The following KIF13B variants were observed in gnomAD, a reference collection of about 807,000 sequenced individuals.
The protein encoded by KIF13B is kinesin family member 13B.
A neutral mutation model predicts 222.0 loss-of-function variants in KIF13B; 127 were observed. The ratio of observed to expected loss-of-function variants is 0.57; its 90% CI spans 0.50 to 0.66. The LOEUF is 0.66. KIF13B is among the 30% of genes least tolerant of loss of function. The pLI is 0.00. For missense variants in KIF13B, 2,173 were observed against 2,379.0 expected (o/e 0.91, Z 1.80); for synonymous variants, 976 against 919.0 (o/e 1.06, Z -1.12).
chr8:29,072,938 C>T (rs192414454), intron 38 of KIF13B, among the ~76,000 whole-genome samples: 156 of 152,076 alleles, frequency 1.0e-3, no homozygotes, highest in Middle Eastern at 3.4e-3. Context: ...CTTTTTTGTC[C>T]GGCAAAACCT....
intron 10 of KIF13B, 132 bp downstream of exon 10, chr8:29,175,936 A>G (rs1229813916): frequency 9.1e-6 from 6 of 659,864 alleles, no homozygotes; most frequent in Non-Finnish European, 1.6e-5. Flanking sequence ...CATTACCATA[A>G]GAGCCTAATA....
intron 37 of KIF13B, among the ~76,000 whole-genome samples, chr8:29,086,163 G>A (rs1808042585): frequency 6.9e-6 from 1 of 144,658 alleles, no homozygotes. Flanking sequence ...AATAAATCCA[G>A]AACCAAGTAC....
intron 2 of KIF13B, among the ~76,000 whole-genome samples, chr8:29,229,088 T>TAAA (rs370080449): frequency 0.05 from 4,682 of 94,442 alleles, 251 homozygotes; most frequent in Non-Finnish European, 0.07. Flanking sequence ...ATGTCAGCTT[T>TAAA]AAAAAAAAAA....
At chr8:29,204,471 G>A (rs1293748247) in intron 2 of KIF13B, among the ~76,000 whole-genome samples, 3 of 152,188 alleles carry the variant, frequency 2.0e-5, no homozygotes, top group Non-Finnish European at 4.4e-5. Flanking sequence ...CAGCTATTCA[G>A]GAGGCTGAGG....
intron 24 of KIF13B, 82 bp downstream of exon 24, chr8:29,130,451 G>T: frequency 1.4e-6 from 2 of 1,388,266 alleles, no homozygotes; most frequent in Non-Finnish European, 2.0e-6. Context: ...TTTCATTATT[G>T]CCAACATTTC....
rs1321888976 is a variant in KIF13B, at chr8:29,180,161, TC to T, written c.662del (p.Arg221HisfsTer17). ...GGGTGATTTTGAAAACTGCATGGGATCGGCTACTCTCCTCGTTCATGTTGGT... is the reference window on the plus strand; with the variant it reads ...GGGTGATTTTGAAAACTGCATGGGATGGCTACTCTCCTCGTTCATGTTGGT... ...AATNMNEESS[R>X]SHAVFKITLT... On this transcript the variant is annotated frameshift_variant, in exon 8 of 40. Coordinates refer to ENST00000524189, the MANE Select transcript of KIF13B (RefSeq NM_015254.4). LOFTEE classifies it high-confidence loss of function. 1 of 1,614,020 alleles carries T rather than the reference TC, an allele frequency of 6.2e-7. No homozygotes were observed. Among genetic ancestry groups the T allele is most frequent in the Non-Finnish European group, 8.5e-7 (1 of 1,179,892 alleles).
chr8:29,228,472 A>AAAAAAAAAAAAATATATATATATATAT, intron 2 of KIF13B, among the ~76,000 whole-genome samples: 5 of 117,080 alleles, frequency 4.3e-5, no homozygotes, highest in African/African-American at 1.6e-4. Flanking sequence ...ATCTTAAAAA[A>AAAAAAAAAAAAATATATATATATATAT]ATATATATAT....
intron 2 of KIF13B, among the ~76,000 whole-genome samples, chr8:29,221,419 C>T (rs572250417): frequency 2.1e-4 from 31 of 149,260 alleles, no homozygotes; most frequent in African/African-American, 7.4e-4. Context: ...GAGCTGTGAT[C>T]GTGCCACTGC....
chr8:29,117,174 C>A (rs1418889723), intron 30 of KIF13B, among the ~76,000 whole-genome samples, 167 bp from the exon 31 acceptor site: 1 of 152,222 alleles, frequency 6.6e-6, no homozygotes, highest in East Asian at 1.9e-4. Context: ...AGTGTGGCCA[C>A]AATCACCTTA....
chr8:29,116,262 G>C (rs937944900), intron 31 of KIF13B, among the ~76,000 whole-genome samples: 13 of 152,266 alleles, frequency 8.5e-5, no homozygotes, highest in Non-Finnish European at 2.9e-5. Flanking sequence ...GAGGTAAAAG[G>C]TCTGGAACGC....
At chr8:29,197,412 A>C (rs1813490687) in intron 2 of KIF13B, among the ~76,000 whole-genome samples, 1 of 151,968 alleles carries the variant, frequency 6.6e-6, no homozygotes, top group African/African-American at 2.4e-5. Flanking sequence ...ACTTAGAGAA[A>C]AGTGGTAAAA....
chr8:29,103,110 C>T (rs1359808460), intron 35 of KIF13B, among the ~76,000 whole-genome samples: 2 of 151,798 alleles, frequency 1.3e-5, no homozygotes, highest in African/African-American at 2.4e-5. Context: ...GGCACGGTGG[C>T]GGGCGCCTGT....
chr8:29,233,618 G>C (rs1420898637), intron 2 of KIF13B, among the ~76,000 whole-genome samples: 2 of 152,200 alleles, frequency 1.3e-5, no homozygotes, highest in Admixed American at 1.3e-4. Flanking sequence ...TTAAATATTA[G>C]TGAGGGCAAT....
Position 29,134,228 on chromosome 8 carries a change from C to G in KIF13B, c.2614-18G>C, listed in dbSNP as rs367574761. On this transcript the variant is annotated intron_variant, in intron 21 of 39. Transcript: ENST00000524189. ...ATTTTAACCTGAAGGAAAAAGAAGG[C>G]TCTGTGTTTTGAAATCTGAGGGTTC... The G allele has an allele frequency of 1.2e-6, 2 of 1,609,710 alleles. No homozygotes were observed. The highest frequency in any genetic ancestry group is 8.5e-7 in the Non-Finnish European group (1 of 1,178,028).
chr8:29,071,510 T>A lies in KIF13B; in HGVS notation c.5218+110A>T. The A allele has an allele frequency of 9.9e-7, 1 of 1,010,452 alleles. No individual in the cohort carries two copies. Among genetic ancestry groups the A allele is most frequent in the Non-Finnish European group, 1.5e-6 (1 of 682,472 alleles). The allele number at this position is 1,010,452 out of a possible 1,614,324, so 62.6% of individuals were successfully genotyped here. ...CCGCAGCTTCAGCCAAGCCGCTGCC[T>A]CCCGGCCCCTCCCTCTCCTGCCCGG... On this transcript the variant is annotated intron_variant, in intron 39 of 39. Coordinates refer to ENST00000524189, the MANE Select transcript of KIF13B (RefSeq NM_015254.4). This position sits in a 1 kb window ranked among gnomAD's most constrained non-coding sequence, Gnocchi z 4.9.
At chr8:29,232,422 T>TA (rs1215466046) in intron 2 of KIF13B, among the ~76,000 whole-genome samples, 4 of 142,872 alleles carry the variant, frequency 2.8e-5, no homozygotes, top group Non-Finnish European at 4.6e-5. Flanking sequence ...CAATAAAAAA[T>TA]AAAAAAAATT....
chr8:29,075,515 C>A (rs1448626018), intron 37 of KIF13B, among the ~76,000 whole-genome samples, 172 bp from the exon 38 acceptor site: 2 of 152,244 alleles, frequency 1.3e-5, no homozygotes, highest in Non-Finnish European at 2.9e-5. Context: ...CAGCAAGGGG[C>A]TCCTCCCCCA....
chr8:29,234,668 G>A (rs1175107237), intron 2 of KIF13B, among the ~76,000 whole-genome samples: 14 of 141,538 alleles, frequency 9.9e-5, no homozygotes, highest in African/African-American at 3.5e-4. Context: ...TTTCTTGTGA[G>A]CATTTTACCA....
At chr8:29,114,411 T>C (rs1247768722) in intron 31 of KIF13B, among the ~76,000 whole-genome samples, 2 of 152,212 alleles carry the variant, frequency 1.3e-5, no homozygotes, top group Non-Finnish European at 1.5e-5. Flanking sequence ...AGAGAGACCA[T>C]TTATGTCATT....
Sources: allele counts gnomAD v4.1 joint callset (sites outside exome capture counted in the v4.1 genomes callset), GRCh38; gene constraint gnomAD v4.1.1; non-coding constraint Gnocchi (gnomAD v3.1); transcripts MANE v1.5; gene names NCBI Gene and HGNC (gene_info 2026-07-23, HGNC 2026-07-21).